The following ZC4H2 variants were observed in gnomAD, a reference collection of about 807,000 sequenced individuals.
ZC4H2 encodes zinc finger C4H2-type containing, also known as zinc finger C4H2 domain-containing protein.
For missense variants in ZC4H2, 137 were observed against 173.9 expected (o/e 0.79, Z 1.19); for synonymous variants, 84 against 66.3 (o/e 1.27, Z -1.30).
Position 64,916,438 on chromosome X carries a change from C to G in ZC4H2, c.*1345G>C, listed in dbSNP as rs1249859083. The G allele has an allele frequency of 1.8e-5, 2 of 111,760 alleles. No homozygotes were observed. Among genetic ancestry groups the G allele is most frequent in the Non-Finnish European group, 3.8e-5 (2 of 53,143 alleles). 9.2% of individuals were successfully genotyped at this position (111,760 alleles called of 1,213,427 possible). Reference sequence around the variant, plus strand: ...ACACAGTAGATACTCAGAATTTACTCCAATGAATGCATGTTAAAAGGATTT... The same window carrying G: ...ACACAGTAGATACTCAGAATTTACTGCAATGAATGCATGTTAAAAGGATTT... On this transcript the variant is annotated 3_prime_UTR_variant, in exon 5 of 5. Coordinates refer to ENST00000374839, the MANE Select transcript of ZC4H2 (RefSeq NM_018684.4).
rs1318107085 is a variant in ZC4H2, at chrX:64,924,089, A to G, written c.54-2101T>C. On this transcript the variant is annotated intron_variant, in intron 1 of 4. Coordinates refer to ENST00000374839, the MANE Select transcript of ZC4H2 (RefSeq NM_018684.4). ...CTTTGCCTGCTCCTGTAACCATTTTACCGATGGGAAAACTAAGATTCAGAG... is the reference window on the plus strand; with the variant it reads ...CTTTGCCTGCTCCTGTAACCATTTTGCCGATGGGAAAACTAAGATTCAGAG... Among the ~76,000 whole-genome samples, 22 of 111,708 alleles carry G rather than the reference A, an allele frequency of 2.0e-4. No homozygotes were observed. In the Admixed American group the frequency reaches 2.1e-3, roughly 11 times the overall value.
At chrX:65,007,271 A>C (rs994913274) in intron 1 of ZC4H2, among the ~76,000 whole-genome samples, 3 of 112,549 alleles carry the variant, frequency 2.7e-5, no homozygotes, top group African/African-American at 9.7e-5. Context: ...TTTATCATTG[A>C]AAAGTGGACA....
At chrX:64,951,634 T>G (rs1288513898) in intron 1 of ZC4H2, among the ~76,000 whole-genome samples, 1 of 111,896 alleles carries the variant, frequency 8.9e-6, no homozygotes, top group Non-Finnish European at 1.9e-5. Flanking sequence ...CTTCGCCCAT[T>G]TTTTGATGGG....
intron 1 of ZC4H2, among the ~76,000 whole-genome samples, chrX:64,952,770 T>A (rs1329055234): frequency 9.1e-6 from 1 of 109,681 alleles, no homozygotes; most frequent in Non-Finnish European, 1.9e-5. Context: ...TTCAATGTCA[T>A]CCCCATCAAG....
intron 1 of ZC4H2, among the ~76,000 whole-genome samples, chrX:64,928,616 C>T (rs1312378250): frequency 9.7e-6 from 1 of 103,248 alleles, no homozygotes; most frequent in African/African-American, 3.8e-5. Context: ...CTATTCATGT[C>T]CTTTGCCTGC....
At chrX:65,005,489 G>A (rs1341496152) in intron 1 of ZC4H2, among the ~76,000 whole-genome samples, 3 of 79,584 alleles carry the variant, frequency 3.8e-5, no homozygotes, top group East Asian at 5.7e-4. Context: ...AAAAGGATTC[G>A]AAATCTGGCT....
chrX:65,024,851 G>T (rs190860476), intron 1 of ZC4H2, among the ~76,000 whole-genome samples: 127 of 111,578 alleles, frequency 1.1e-3, no homozygotes, highest in African/African-American at 4.0e-3. Context: ...GAGTAGACAT[G>T]AATGTAACCA....
intron 1 of ZC4H2, among the ~76,000 whole-genome samples, chrX:64,992,233 CAACTT>C (rs922721562): frequency 8.9e-6 from 1 of 111,738 alleles, no homozygotes; most frequent in African/African-American, 3.3e-5. Flanking sequence ...GCTTCAGTCT[CAACTT>C]AAGACCTTTC....
At position 64,953,141 on chromosome X, in the gene ZC4H2, C is replaced by T. The variant is rs1233900798; in HGVS notation, c.53+23184G>A. Among the ~76,000 whole-genome samples, 5 of 111,980 alleles carry T rather than the reference C, an allele frequency of 4.5e-5. No homozygotes were observed. The South Asian group carries it at 1.5e-3, about 33-fold the overall frequency. ...CATATTAGAAAGCTGAAACTGGATC[C>T]CTTCCTTACACCTTATACAAAAATT... On this transcript the variant is annotated intron_variant, in intron 1 of 4. Transcript: ENST00000374839.
upstream of ZC4H2, among the ~76,000 whole-genome samples, chrX:64,979,617 C>T (rs1192227289): frequency 9.0e-6 from 1 of 111,538 alleles, no homozygotes; most frequent in Non-Finnish European, 1.9e-5. Flanking sequence ...AAACTATAGC[C>T]TTCTGCCCCT....
intron 1 of ZC4H2, among the ~76,000 whole-genome samples, chrX:64,988,910 G>T (rs1242240132): frequency 1.0e-5 from 1 of 97,901 alleles, no homozygotes; most frequent in East Asian, 2.8e-4. Flanking sequence ...TAAGGTGTAA[G>T]GAAGGGATCC....
At chrX:64,951,300 C>T (rs1930815853) in intron 1 of ZC4H2, among the ~76,000 whole-genome samples, 1 of 112,187 alleles carries the variant, frequency 8.9e-6, no homozygotes, top group Non-Finnish European at 1.9e-5. Context: ...ACTTATACTC[C>T]TTTGGGTATA....
intron 1 of ZC4H2, among the ~76,000 whole-genome samples, chrX:65,033,868 C>G (rs1362891632): frequency 9.0e-6 from 1 of 110,994 alleles, no homozygotes; most frequent in East Asian, 2.8e-4. Flanking sequence ...GCGGGCGGAT[C>G]ACTTGAGGTC....
At chrX:65,012,224 C>CAAAAAAAAAAAAAAAAAA (rs10606871) in intron 1 of ZC4H2, among the ~76,000 whole-genome samples, 1 of 25,342 alleles carries the variant, frequency 3.9e-5, no homozygotes, top group African/African-American at 9.5e-5. Context: ...GACCCCGTCT[C>CAAAAAAAAAAAAAAAAAA]AAAAAAAAAA....
rs189481678 is a variant in ZC4H2, at chrX:65,014,600, T to C, written c.-272+20029A>G. 3.6e-5 allele frequency among the ~76,000 whole-genome samples: 4 copies of C among 111,928 alleles called. No homozygotes were observed. The Admixed American group carries it at 3.8e-4, about 11-fold the overall frequency. On this transcript the variant is annotated intron_variant, in intron 1 of 4. Coordinates refer to the ZC4H2 transcript ENST00000337990. ...GGGTTTAAGTCTTCATATTTGCACT[T>C]TTTGGCTGTAATCTGTGGGAAAGTC...
At chrX:64,926,272 T>A in intron 1 of ZC4H2, among the ~76,000 whole-genome samples, 1 of 112,048 alleles carries the variant, frequency 8.9e-6, no homozygotes, top group East Asian at 2.8e-4. Flanking sequence ...TGGTCTACTC[T>A]TTATTACCAC....
chrX:64,997,500 T>A (rs751777401), intron 1 of ZC4H2, among the ~76,000 whole-genome samples: 1 of 113,031 alleles, frequency 8.8e-6, no homozygotes, highest in Admixed American at 9.3e-5. Flanking sequence ...ATTTTCTACA[T>A]GATTTAAGAG....
In ZC4H2 at chrX:64,985,040, T is replaced by C. The variant is rs1480000079; in HGVS notation, c.-272+49589A>G. ...CAAAGAACATGATTTTGTTCTTTTATGGCTACATAGTATTCCATGGTGTAT... is the reference window on the plus strand; with the variant it reads ...CAAAGAACATGATTTTGTTCTTTTACGGCTACATAGTATTCCATGGTGTAT... On this transcript the variant is annotated intron_variant, in intron 1 of 4. Coordinates refer to the ZC4H2 transcript ENST00000337990. Among the ~76,000 whole-genome samples, 3 of 112,698 alleles carry C rather than the reference T, an allele frequency of 2.7e-5. 1 individual carries two copies. Among genetic ancestry groups the C allele is most frequent in the South Asian group, 7.3e-4 (2 of 2,729 alleles).
At chrX:64,955,927 C>A (rs1211613794) in intron 1 of ZC4H2, among the ~76,000 whole-genome samples, 2 of 111,884 alleles carry the variant, frequency 1.8e-5, no homozygotes, top group Non-Finnish European at 3.8e-5. Flanking sequence ...TCTTAACCCA[C>A]ATCATGGGTT....
Sources: gnomAD v4.1 joint callset for allele counts (sites outside exome capture counted in the v4.1 genomes callset) on GRCh38, gnomAD v4.1.1 for gene constraint, MANE v1.5 for transcripts, NCBI Gene and HGNC (gene_info 2026-07-23, HGNC 2026-07-21) for gene names.